Variants in NUS1 observed in about 807,000 individuals in gnomAD.
NUS1 encodes NUS1 dehydrodolichyl diphosphate synthase subunit.
For missense variants in NUS1, 292 were observed against 382.9 expected (o/e 0.76, Z 1.98); for synonymous variants, 135 against 155.2 (o/e 0.87, Z 0.97).
At chr6:117,686,909 A>AC (rs1371422825) in intron 1 of NUS1, among the ~76,000 whole-genome samples, 1 of 149,104 alleles carries the variant, frequency 6.7e-6, no homozygotes, top group Non-Finnish European at 1.5e-5. Context: ...TAGACATTGA[A>AC]TCCTGAAGAA....
intron 1 of NUS1, among the ~76,000 whole-genome samples, chr6:117,679,019 A>G (rs1773023830): frequency 6.6e-6 from 1 of 152,172 alleles, no homozygotes; most frequent in African/African-American, 2.4e-5. Flanking sequence ...ATTTAAGCTT[A>G]TTTCTAGATA....
At chr6:117,701,245 C>CTTT (rs1181868381) in intron 3 of NUS1, among the ~76,000 whole-genome samples, 5 of 120,662 alleles carry the variant, frequency 4.1e-5, no homozygotes, top group South Asian at 2.6e-4. Context: ...TTCTAATTTT[C>CTTT]TTTTTTTTTT....
chr6:117,689,561 G>GT (rs554090531), intron 1 of NUS1, among the ~76,000 whole-genome samples: 8,158 of 149,102 alleles, frequency 0.055, 231 homozygotes, highest in Middle Eastern at 0.12. Flanking sequence ...TTTGTTTTTT[G>GT]TTTTTTTTTG....
chr6:117,707,077 T>A lies in NUS1; in HGVS notation c.*62T>A. The A allele has an allele frequency of 7.0e-7, 1 of 1,420,600 alleles. No homozygotes were observed. The highest frequency in any genetic ancestry group is 9.9e-7 in the Non-Finnish European group (1 of 1,007,350). 88.0% of individuals were successfully genotyped at this position (1,420,600 alleles called of 1,614,324 possible). A position where few individuals can be genotyped will look rare whatever the true frequency, so the allele number is the denominator to read the frequency against. ...GAGGAAAGGAACCAAGTGACTCTGA[T>A]GTTTACAAAGCACCTATGAAACCCT... On this transcript the variant is annotated 3_prime_UTR_variant, in exon 5 of 5. Coordinates refer to ENST00000368494, the MANE Select transcript of NUS1 (RefSeq NM_138459.5).
rs144236554 is a variant in NUS1 at position 117,689,539 on chromosome 6, AT to A, written c.416-3494del. Among the ~76,000 whole-genome samples, 1,056 of 149,894 alleles carry A rather than the reference AT, an allele frequency of 7.0e-3. 13 individuals are homozygous for A. Among genetic ancestry groups the A allele is most frequent in the African/African-American group, 0.024 (981 of 40,834 alleles). ...GGCTGGAGTGTTATGGAGATTTTAC[AT>A]TTTTTTTTGTTTTGTTTTTTGTTTT... On this transcript the variant is annotated intron_variant, in intron 1 of 4. Coordinates refer to ENST00000368494, the MANE Select transcript of NUS1 (RefSeq NM_138459.5).
chr6:117,694,015 T>G lies in NUS1; in HGVS notation c.542-16T>G. ...AGAGAGTGTTTTTAAAATACATTGTTTGTTTTTTCTTCCAGTTTTAAATTG... is the reference window on the plus strand; with the variant it reads ...AGAGAGTGTTTTTAAAATACATTGTGTGTTTTTTCTTCCAGTTTTAAATTG... On this transcript the variant is annotated splice_polypyrimidine_tract_variant and intron_variant, in intron 2 of 4. Coordinates refer to ENST00000368494, the MANE Select transcript of NUS1 (RefSeq NM_138459.5). The G allele has an allele frequency of 6.3e-7, 1 of 1,592,880 alleles. No homozygotes were observed. Among genetic ancestry groups the G allele is most frequent in the Non-Finnish European group, 8.5e-7 (1 of 1,171,228 alleles).
At chr6:117,694,972 A>G (rs946269189) in intron 3 of NUS1, among the ~76,000 whole-genome samples, 7 of 152,222 alleles carry the variant, frequency 4.6e-5, no homozygotes, top group Admixed American at 1.3e-4. Flanking sequence ...AGGCAGGTGG[A>G]TCGCTTGAGC....
chr6:117,692,944 G>A (rs1386701097), intron 1 of NUS1, 98 bp from the exon 2 acceptor site: 4 of 965,474 alleles, frequency 4.1e-6, no homozygotes, highest in East Asian at 2.6e-5. Flanking sequence ...TTTGACATTC[G>A]TTTAGTTCTG....
intron 1 of NUS1, among the ~76,000 whole-genome samples, chr6:117,682,390 A>C (rs1773074616): frequency 6.6e-6 from 1 of 152,104 alleles, no homozygotes; most frequent in Non-Finnish European, 1.5e-5. Flanking sequence ...GCTTGAGCCC[A>C]GGAGTTTAAG....
At position 117,710,445 on chromosome 6, in the gene NUS1, T is replaced by C. The variant is rs996831525; in HGVS notation, c.*3430T>C. 2 of 152,104 alleles carry C rather than the reference T, an allele frequency of 1.3e-5. No homozygotes were observed. The highest frequency in any genetic ancestry group is 4.8e-5 in the African/African-American group (2 of 41,446). The allele number at this position is 152,104 out of a possible 1,614,324, so 9.4% of individuals were successfully genotyped here. A position where few individuals can be genotyped will look rare whatever the true frequency, so the allele number is the denominator to read the frequency against. On this transcript the variant is annotated 3_prime_UTR_variant, in exon 5 of 5. Transcript: ENST00000368494. Reference sequence around the variant, plus strand: ...TGATGCAATGGATAGGAAAAGGTAGTGCAAAAAGAATTTCTTAAGGTTTAA... The same window carrying C: ...TGATGCAATGGATAGGAAAAGGTAGCGCAAAAAGAATTTCTTAAGGTTTAA...
chr6:117,691,731 A>C (rs1387587215), intron 1 of NUS1, among the ~76,000 whole-genome samples: 1 of 150,350 alleles, frequency 6.7e-6, no homozygotes, highest in Non-Finnish European at 1.5e-5. Context: ...TTGATTGTTC[A>C]GAATACTCAC....
In NUS1 at chr6:117,707,005, T is replaced by G. The variant is rs374139762; in HGVS notation, c.872T>G (p.Leu291Arg). Residue 291 changes from leucine (L) to arginine (R), a missense_variant, in exon 5 of 5, where the codon CTG (leucine) becomes CGG (arginine). By Grantham distance (102) the Leu-to-Arg change is moderately radical (BLOSUM62 -2). Transcript: ENST00000368494. ...CAATATGCAGCCTGTGAACAGCGTCTGGGAAAGTAGTGGTCATTGGTTGCA... is the reference window on the plus strand; with the variant it reads ...CAATATGCAGCCTGTGAACAGCGTCGGGGAAAGTAGTGGTCATTGGTTGCA... ...LRQYAACEQRLGK is the reference protein window; with the variant it reads ...LRQYAACEQRRGK The G allele has an allele frequency of 1.2e-6, 2 of 1,612,210 alleles. No individual in the cohort carries two copies. Among genetic ancestry groups the G allele is most frequent in the Non-Finnish European group, 1.7e-6 (2 of 1,178,604 alleles).
intron 3 of NUS1, among the ~76,000 whole-genome samples, chr6:117,696,940 A>G (rs115192592): frequency 0.041 from 6,264 of 152,202 alleles, 449 homozygotes; most frequent in African/African-American, 0.14. Context: ...AATAATAATA[A>G]CTAAAACAAC....
intron 3 of NUS1, among the ~76,000 whole-genome samples, chr6:117,699,523 A>T (rs752597711): frequency 1.3e-5 from 2 of 152,190 alleles, no homozygotes; most frequent in Non-Finnish European, 2.9e-5. Context: ...TTTCCTGTTC[A>T]TGGATTGGAA....
chr6:117,687,738 A>C (rs1219811359), intron 1 of NUS1, among the ~76,000 whole-genome samples: 1 of 152,242 alleles, frequency 6.6e-6, no homozygotes, highest in Non-Finnish European at 1.5e-5. Context: ...CTGTTCAACA[A>C]GCATGGAAGC....
intron 1 of NUS1, 84 bp downstream of exon 1, chr6:117,676,169 G>A (rs542118483): frequency 4.6e-6 from 7 of 1,538,392 alleles, no homozygotes; most frequent in South Asian, 1.2e-5. Context: ...CCCATGGCAC[G>A]AGTTGCCGCG....
At chr6:117,702,782 T>A (rs976458443) in intron 3 of NUS1, among the ~76,000 whole-genome samples, 1 of 152,188 alleles carries the variant, frequency 6.6e-6, no homozygotes, top group Admixed American at 6.5e-5. Context: ...TCCAGTTTCC[T>A]TATTTGACAA....
intron 1 of NUS1, among the ~76,000 whole-genome samples, chr6:117,677,849 T>A (rs1773006498): frequency 6.6e-6 from 1 of 152,092 alleles, no homozygotes; most frequent in African/African-American, 2.4e-5. Flanking sequence ...ATGCAACCAG[T>A]TTTGCTTGGG....
At chr6:117,689,544 T>G (rs535499488) in intron 1 of NUS1, among the ~76,000 whole-genome samples, 33 of 151,794 alleles carry the variant, frequency 2.2e-4, no homozygotes, top group South Asian at 6.3e-4. Flanking sequence ...TTTACATTTT[T>G]TTTTGTTTTG....
Sources: allele counts gnomAD v4.1 joint callset (sites outside exome capture counted in the v4.1 genomes callset), GRCh38; gene constraint gnomAD v4.1.1; transcripts MANE v1.5; gene names NCBI Gene and HGNC (gene_info 2026-07-23, HGNC 2026-07-21).